CACNA1D: variants seen among roughly 807,000 people sequenced by gnomAD.
CACNA1D encodes voltage-dependent L-type calcium channel subunit alpha-1D.
A neutral mutation model predicts 257.1 loss-of-function variants in CACNA1D; 55 were observed. That is an observed-to-expected ratio of 0.21 (90% CI 0.17 to 0.27). The LOEUF (loss-of-function observed/expected upper bound fraction) is 0.27. Among genes scored for constraint, CACNA1D ranks in the 10% least tolerant of loss-of-function variants. The probability of loss-of-function intolerance (pLI) is 1.00; values close to 1 mark genes in which losing one functional copy is unlikely to be tolerated. For missense variants in CACNA1D, 1,876 were observed against 2,784.0 expected (o/e 0.67, Z 7.34); for synonymous variants, 980 against 1,014.9 (o/e 0.97, Z 0.65).
chr3:53,722,751 C>T (rs540128457), intron 12 of CACNA1D, among the ~76,000 whole-genome samples: 50 of 152,308 alleles, frequency 3.3e-4, no homozygotes, highest in Middle Eastern at 6.8e-3. Flanking sequence ...GAAGGGACCT[C>T]GTAATCCCTG....
intron 3 of CACNA1D, among the ~76,000 whole-genome samples, chr3:53,594,676 A>G (rs1285111299): frequency 6.6e-6 from 1 of 152,260 alleles, no homozygotes; most frequent in Non-Finnish European, 1.5e-5. Context: ...AGAAAGAAAC[A>G]TCATTGTGGA....
intron 8 of CACNA1D, among the ~76,000 whole-genome samples, chr3:53,692,306 C>G (rs1296653066): frequency 1.3e-5 from 2 of 152,022 alleles, no homozygotes; most frequent in Non-Finnish European, 1.5e-5. Context: ...CTGGAGGACT[C>G]TAAGGTAGAG....
chr3:53,525,869 C>T (rs998840272), intron 3 of CACNA1D, among the ~76,000 whole-genome samples: 1 of 152,126 alleles, frequency 6.6e-6, no homozygotes, highest in Non-Finnish European at 1.5e-5. Flanking sequence ...GCTCACATTG[C>T]TGGCCAGTCC....
chr3:53,560,910 A>C (rs1241379725), intron 3 of CACNA1D, among the ~76,000 whole-genome samples: 1 of 152,254 alleles, frequency 6.6e-6, no homozygotes, highest in Non-Finnish European at 1.5e-5. Context: ...GGAGAAACAA[A>C]GATAGGAAAG....
In CACNA1D at chr3:53,583,406, C is replaced by T. The variant is rs377378172; in HGVS notation, c.484-67373C>T. On this transcript the variant is annotated intron_variant, in intron 3 of 47. Coordinates refer to ENST00000350061, the MANE Select transcript of CACNA1D (RefSeq NM_001128840.3). ...GCTGGGGCTGTCTGGCCTGTACTTG[C>T]CAAATGTAGTCTGAGCTGTCTTCTC... 7.8e-4 allele frequency among the ~76,000 whole-genome samples: 119 copies of T among 152,228 alleles called. 3 individuals are homozygous for T. In the South Asian group the frequency reaches 0.023, roughly 30 times the overall value.
intron 30 of CACNA1D, among the ~76,000 whole-genome samples, chr3:53,768,651 C>T (rs1281522876): frequency 6.6e-6 from 1 of 152,176 alleles, no homozygotes; most frequent in Admixed American, 6.5e-5. Flanking sequence ...GCAAGGACCC[C>T]TTTTAAACTC....
chr3:53,739,594 AT>A (rs567074396), intron 20 of CACNA1D, among the ~76,000 whole-genome samples: 1,790 of 152,304 alleles, frequency 0.012, 24 homozygotes, highest in Admixed American at 0.019. Context: ...TCAGTCTGTT[AT>A]TTGAGTGGGC....
At chr3:53,528,008 A>G (rs1300412242) in intron 3 of CACNA1D, among the ~76,000 whole-genome samples, 2 of 152,220 alleles carry the variant, frequency 1.3e-5, no homozygotes, top group African/African-American at 4.8e-5. Flanking sequence ...GAGTTATAGA[A>G]TGTTGGAGAG....
intron 3 of CACNA1D, among the ~76,000 whole-genome samples, chr3:53,559,144 C>T (rs116832261): frequency 0.021 from 3,149 of 152,258 alleles, 115 homozygotes; most frequent in African/African-American, 0.07. Flanking sequence ...CTATTACCTC[C>T]AGTCTGCAAT....
chr3:53,736,937 G>A (rs939425247), intron 20 of CACNA1D, among the ~76,000 whole-genome samples: 1 of 151,700 alleles, frequency 6.6e-6, no homozygotes, highest in Non-Finnish European at 1.5e-5. Flanking sequence ...TGTGGCAGAG[G>A]TGGCTATCCA....
chr3:53,576,738 C>T (rs529205533), intron 3 of CACNA1D, among the ~76,000 whole-genome samples: 12 of 152,312 alleles, frequency 7.9e-5, no homozygotes, highest in South Asian at 2.1e-4. Context: ...TCTGGTGGAA[C>T]GTGGCGGGCA....
At chr3:53,503,090 C>T (rs959805237) in intron 3 of CACNA1D, among the ~76,000 whole-genome samples, 1 of 152,092 alleles carries the variant, frequency 6.6e-6, no homozygotes. Context: ...TACAGGATTT[C>T]ATGTTACATT....
At chr3:53,507,150 G>A (rs972678303) in intron 3 of CACNA1D, among the ~76,000 whole-genome samples, 2 of 151,492 alleles carry the variant, frequency 1.3e-5, no homozygotes, top group Non-Finnish European at 2.9e-5. Context: ...AGATGGACTC[G>A]TGTAGTAAAA....
At chr3:53,530,755 A>G (rs2091920171) in intron 3 of CACNA1D, among the ~76,000 whole-genome samples, 1 of 152,108 alleles carries the variant, frequency 6.6e-6, no homozygotes, top group Non-Finnish European at 1.5e-5. Context: ...TCGCTGGAGT[A>G]TCCTTATCGA....
chr3:53,529,405 A>G (rs2091874265), intron 3 of CACNA1D, among the ~76,000 whole-genome samples: 1 of 152,166 alleles, frequency 6.6e-6, no homozygotes. Context: ...TTGATTTTCT[A>G]GTATTTTAGC....
At chr3:53,561,526 G>T (rs1400574578) in intron 3 of CACNA1D, among the ~76,000 whole-genome samples, 1 of 152,196 alleles carries the variant, frequency 6.6e-6, no homozygotes, top group African/African-American at 2.4e-5. Flanking sequence ...TCATTGGAGG[G>T]CTGTGGGGAG....
At chr3:53,693,093 A>C (rs1292699174) in intron 8 of CACNA1D, among the ~76,000 whole-genome samples, 4 of 152,130 alleles carry the variant, frequency 2.6e-5, no homozygotes, top group African/African-American at 9.7e-5. Context: ...TTTCTTCAAC[A>C]TATTTTACTG....
chr3:53,743,525 G>C (rs746737857), intron 22 of CACNA1D, among the ~76,000 whole-genome samples: 2 of 152,202 alleles, frequency 1.3e-5, no homozygotes, highest in Admixed American at 6.5e-5. Flanking sequence ...TTCCAGCTTA[G>C]ATATTGAGAA....
intron 18 of CACNA1D, 80 bp downstream of exon 18, chr3:53,732,162 C>A: frequency 1.8e-6 from 2 of 1,081,226 alleles, no homozygotes; most frequent in Non-Finnish European, 2.9e-6. Flanking sequence ...GAGTCTGCGG[C>A]CAGCCAGCCC....
Sources: gnomAD v4.1 joint callset for allele counts (sites outside exome capture counted in the v4.1 genomes callset) on GRCh38, gnomAD v4.1.1 for gene constraint, MANE v1.5 for transcripts, NCBI Gene and HGNC (gene_info 2026-07-23, HGNC 2026-07-21) for gene names.